Variants in PEAK1 observed in about 807,000 individuals in gnomAD.
PEAK1 encodes inactive tyrosine-protein kinase PEAK1.
Under a neutral mutation model 124.7 loss-of-function variants are expected in PEAK1, and 54 were observed. The observed-to-expected ratio is 0.43, with a 90% CI of 0.35 to 0.54. The LOEUF (loss-of-function observed/expected upper bound fraction) is 0.54. PEAK1 is among the 20% of genes least tolerant of loss of function. PEAK1 has a pLI of 0.01. For synonymous variants in PEAK1, 719 were observed against 760.0 expected (o/e 0.95, Z 0.89); for missense variants, 2,046 against 2,134.5 (o/e 0.96, Z 0.82).
chr15:77,166,567 G>A (rs1331961740), intron 7 of PEAK1, among the ~76,000 whole-genome samples: 1 of 152,186 alleles, frequency 6.6e-6, no homozygotes. Flanking sequence ...ATGTGCCCCG[G>A]GGGGGAATCC....
intron 1 of PEAK1, chr15:77,418,227 T>C (rs574366782): frequency 1.0e-6 from 1 of 985,406 alleles, no homozygotes; most frequent in Admixed American, 6.1e-5. Flanking sequence ...ACACTTCTCT[T>C]CCAACCCTAG....
In PEAK1 at chr15:77,174,217, G is replaced by A. The variant is rs182884871; in HGVS notation, c.3137+4573C>T. Reference sequence around the variant, plus strand: ...CTTAGTAACAATCTAATCCCATAATGAAGGGCTCTATAAAGTTCCTCATCT... The same window carrying A: ...CTTAGTAACAATCTAATCCCATAATAAAGGGCTCTATAAAGTTCCTCATCT... On this transcript the variant is annotated intron_variant, in intron 7 of 9. Transcript: ENST00000682557. Among the ~76,000 whole-genome samples, 22 of 152,264 alleles carry A rather than the reference G, an allele frequency of 1.4e-4. No individual in the cohort carries two copies. The East Asian group carries it at 4.2e-3, about 29-fold the overall frequency.
chr15:77,102,434 C>A (rs375807439), exon 7 of PEAK1: 20 of 152,308 alleles, frequency 1.3e-4, no homozygotes, highest in African/African-American at 4.8e-4. Context: ...CTTTCAGACA[C>A]CTTCCACCGT....
At chr15:77,391,256 G>A (rs963456964) in intron 1 of PEAK1, among the ~76,000 whole-genome samples, 3 of 152,016 alleles carry the variant, frequency 2.0e-5, no homozygotes, top group Admixed American at 6.6e-5. Flanking sequence ...CAAGAACTGT[G>A]CATTAAAGAT....
At chr15:77,333,479 A>G in intron 2 of PEAK1, 1 of 903,650 alleles carries the variant, frequency 1.1e-6, no homozygotes, top group Non-Finnish European at 1.3e-6. Context: ...ATCTAAGAAT[A>G]AATATTTTCT....
At position 77,190,860 on chromosome 15, in the gene PEAK1, A is replaced by T. The variant is rs558850061; in HGVS notation, c.-114-8820T>A. ...CTGGCAGCTCCTTACCCACACAGTA[A>T]GCAGCAATTTAGTTTCAGCAAAACT... On this transcript the variant is annotated intron_variant, in intron 6 of 9. Coordinates refer to ENST00000682557, the MANE Select transcript of PEAK1 (RefSeq NM_001385026.1). 7.2e-5 allele frequency among the ~76,000 whole-genome samples: 11 copies of T among 152,358 alleles called. No individual in the cohort carries two copies. The South Asian group carries it at 2.3e-3, about 32-fold the overall frequency.
intron 2 of PEAK1, among the ~76,000 whole-genome samples, chr15:77,309,716 G>C (rs2064319287): frequency 6.6e-6 from 1 of 151,998 alleles, no homozygotes; most frequent in Admixed American, 6.5e-5. Context: ...ACACCAAGTA[G>C]TATTTCAGTC....
intron 6 of PEAK1, 91 bp from the exon 7 acceptor site, chr15:77,182,131 C>T: frequency 8.5e-7 from 1 of 1,182,670 alleles, no homozygotes; most frequent in Non-Finnish European, 1.1e-6. Context: ...TGACTCCATT[C>T]CTAAACTTTT....
At chr15:77,166,143 A>T (rs2056082360) in intron 7 of PEAK1, among the ~76,000 whole-genome samples, 1 of 152,080 alleles carries the variant, frequency 6.6e-6, no homozygotes, top group African/African-American at 2.4e-5. Flanking sequence ...AATAATTTAC[A>T]TTTCCAAAAA....
chr15:77,335,761 G>C, intron 2 of PEAK1: 2 of 983,500 alleles, frequency 2.0e-6, no homozygotes, highest in Non-Finnish European at 2.4e-6. Flanking sequence ...AAAGTGCTCA[G>C]ATTACAGGTG....
At chr15:77,215,269 T>A (rs972923322) in intron 6 of PEAK1, among the ~76,000 whole-genome samples, 1 of 152,224 alleles carries the variant, frequency 6.6e-6, no homozygotes. Flanking sequence ...TAAAACTTCA[T>A]GTATTCTAGA....
Position 77,133,357 on chromosome 15 carries a change from C to T in PEAK1, c.3725G>A (p.Ser1242Asn). ...GCTGTTGGAAAATCTATCCTTAATA[C>T]TGAGAGTGGTTAAGCTGGAAATGCT... ...ANSISSLTTLSIKDRFSNSME... is the reference protein window; with the variant it reads ...ANSISSLTTLNIKDRFSNSME... The change falls in exon 9 of 10, where the codon AGT becomes AAT. Residue 1242 changes from serine (S) to asparagine (N), a missense_variant. Transcript: ENST00000682557. This position sits in a 1 kb window ranked among gnomAD's most constrained non-coding sequence, Gnocchi z 4.2. 2.5e-6 allele frequency: 4 copies of T among 1,614,222 alleles called. No individual in the cohort carries two copies. The highest frequency in any genetic ancestry group is 1.7e-5 in the Admixed American group (1 of 60,002).
rs2057200741 is a variant in PEAK1, at chr15:77,180,630, C to T, written c.1297G>A (p.Glu433Lys). The T allele has an allele frequency of 1.2e-6, 2 of 1,614,170 alleles. No homozygotes were observed. Among genetic ancestry groups the T allele is most frequent in the East Asian group, 2.2e-5 (1 of 44,882 alleles). The stretch of plus-strand genomic sequence containing the variant: ...GTAGAGGCTTTACTTTCTTCCTTCT[C>T]AGTTTGTACAGCAATCTTGCCATCT... ...EKDGKIAVQT[E>K]KEESKASTDV... The change falls in exon 7 of 10, where the codon GAG becomes AAG. Residue 433 changes from glutamate to lysine, a missense_variant. Glu to Lys is a moderately conservative substitution (Grantham distance 56, BLOSUM62 1). Transcript: ENST00000682557.
intron 1 of PEAK1, among the ~76,000 whole-genome samples, chr15:77,408,730 A>T (rs1238597152): frequency 6.6e-6 from 1 of 152,202 alleles, no homozygotes; most frequent in African/African-American, 2.4e-5. Context: ...CCTAGAAAGA[A>T]GGCAGTTTTT....
intron 5 of PEAK1, among the ~76,000 whole-genome samples, chr15:77,255,757 T>C (rs1409520564): frequency 6.6e-6 from 1 of 152,192 alleles, no homozygotes; most frequent in Non-Finnish European, 1.5e-5. Flanking sequence ...ACTGAATTAA[T>C]GTTATGGATA....
intron 2 of PEAK1, among the ~76,000 whole-genome samples, chr15:77,304,706 CAA>C (rs2063986620): frequency 6.6e-6 from 1 of 152,096 alleles, no homozygotes; most frequent in Non-Finnish European, 1.5e-5. Flanking sequence ...CTCGGCCTCC[CAA>C]AGTGATGGGA....
In PEAK1 at chr15:77,329,535, T is replaced by C. The variant is rs114688160; in HGVS notation, c.-603+35628A>G. On this transcript the variant is annotated intron_variant, in intron 2 of 9. Transcript: ENST00000682557. ...TCACACCTAAGTTAGAGTAAGCAGG[T>C]TTATGAGTGTCTTACTATTTGGTGT... Among the ~76,000 whole-genome samples, 757 of 152,266 alleles carry C rather than the reference T, an allele frequency of 5.0e-3. 6 individuals carry two copies. Among genetic ancestry groups the C allele is most frequent in the African/African-American group, 0.017 (716 of 41,556 alleles).
At chr15:77,101,878 A>G (rs2050697441) in exon 7 of PEAK1, 1 of 152,182 alleles carries the variant, frequency 6.6e-6, no homozygotes, top group Non-Finnish European at 1.5e-5. Flanking sequence ...CATCCAATTC[A>G]ATTGCACCAA....
At chr15:77,165,169 G>A (rs531342657) in intron 7 of PEAK1, among the ~76,000 whole-genome samples, 9 of 151,574 alleles carry the variant, frequency 5.9e-5, no homozygotes, top group African/African-American at 1.7e-4. Context: ...CCAAAGTGTC[G>A]GGATTACAGG....
Sources: gnomAD v4.1 joint callset for allele counts (sites outside exome capture counted in the v4.1 genomes callset) on GRCh38, gnomAD v4.1.1 for gene constraint, Gnocchi (gnomAD v3.1) non-coding constraint, MANE v1.5 for transcripts, NCBI Gene and HGNC (gene_info 2026-07-23, HGNC 2026-07-21) for gene names.